Variants in ANKRD55 observed in about 807,000 individuals in gnomAD.
ANKRD55 encodes the protein ankyrin repeat domain 55.
In ANKRD55, 41 loss-of-function variants were observed where a neutral mutation model predicts 60.6. The observed-to-expected ratio is 0.68, with a 90% confidence interval of 0.53 to 0.88. The LOEUF (loss-of-function observed/expected upper bound fraction) is 0.88. Ranked by LOEUF, ANKRD55 falls within the 40% of genes least tolerant of loss-of-function variation. The pLI, the probability that ANKRD55 is intolerant of heterozygous loss-of-function variation, is 0.00. For synonymous variants in ANKRD55, 264 were observed against 290.3 expected (o/e 0.91, Z 0.92); for missense variants, 732 against 767.6 (o/e 0.95, Z 0.55).
chr5:56,157,821 C>A (rs1475441066), intron 6 of ANKRD55, among the ~76,000 whole-genome samples: 1 of 152,160 alleles, frequency 6.6e-6, no homozygotes, highest in African/African-American at 2.4e-5. Context: ...CCGGAGCCGG[C>A]GCGCGTCCTC....
chr5:56,155,177 C>T (rs1387706097), intron 6 of ANKRD55, among the ~76,000 whole-genome samples: 1 of 149,132 alleles, frequency 6.7e-6, no homozygotes, highest in East Asian at 2.0e-4. Flanking sequence ...GGGCTGTGAT[C>T]GTGTCACTGC....
chr5:56,136,549 T>C (rs894835880), intron 7 of ANKRD55, among the ~76,000 whole-genome samples: 9 of 152,134 alleles, frequency 5.9e-5, no homozygotes, highest in Non-Finnish European at 5.9e-5. Flanking sequence ...GACATCTACA[T>C]GCAAAAAAGT....
intron 8 of ANKRD55, 62 bp downstream of exon 8, chr5:56,126,859 AT>A: frequency 6.6e-7 from 1 of 1,521,730 alleles, no homozygotes; most frequent in Non-Finnish European, 8.9e-7. Flanking sequence ...CATCTCCTTT[AT>A]TTTAAGATTC....
At chr5:56,120,628 G>GCA (rs1309581807) in intron 8 of ANKRD55, among the ~76,000 whole-genome samples, 1 of 152,168 alleles carries the variant, frequency 6.6e-6, no homozygotes, top group Non-Finnish European at 1.5e-5. Flanking sequence ...AGCTGGGCAT[G>GCA]GTGGCTCACA....
chr5:56,217,618 T>C (rs1270617502), intron 2 of ANKRD55, among the ~76,000 whole-genome samples: 1 of 152,102 alleles, frequency 6.6e-6, no homozygotes, highest in Non-Finnish European at 1.5e-5. Flanking sequence ...AAAACATTCA[T>C]GATTCGTGGC....
intron 2 of ANKRD55, among the ~76,000 whole-genome samples, chr5:56,208,413 ATATT>A (rs200944118): frequency 6.5e-4 from 99 of 151,470 alleles, no homozygotes; most frequent in African/African-American, 1.9e-3. Context: ...TTTAAAAAAA[ATATT>A]TATTTATTTA....
intron 2 of ANKRD55, 137 bp from the exon 3 acceptor site, chr5:56,183,771 G>A (rs1758905361): frequency 9.2e-7 from 1 of 1,082,286 alleles, no homozygotes. Flanking sequence ...GGGTCATCCT[G>A]GCTACACACT....
intron 2 of ANKRD55, among the ~76,000 whole-genome samples, chr5:56,183,939 G>A (rs1758909714): frequency 6.6e-6 from 1 of 152,252 alleles, no homozygotes; most frequent in African/African-American, 2.4e-5. Context: ...AGGAAAGTGG[G>A]AAGTGGGGCC....
At chr5:56,193,694 T>A in intron 2 of ANKRD55, 1 of 203,928 alleles carries the variant, frequency 4.9e-6, no homozygotes, top group Non-Finnish European at 1.0e-5. Flanking sequence ...GAAGAAGGAC[T>A]TCTGCATTTC....
intron 3 of ANKRD55, among the ~76,000 whole-genome samples, chr5:56,178,511 A>G (rs1004324915): frequency 3.3e-5 from 5 of 151,876 alleles, no homozygotes; most frequent in African/African-American, 1.2e-4. Flanking sequence ...CCTCAAAATA[A>G]AACAAGTAAG....
At chr5:56,182,761 T>G (rs1758878792) in intron 3 of ANKRD55, among the ~76,000 whole-genome samples, 1 of 152,210 alleles carries the variant, frequency 6.6e-6, no homozygotes, top group African/African-American at 2.4e-5. Context: ...TGCCACCTCA[T>G]TATTGCAAGG....
At chr5:56,138,771 C>T (rs1757676796) in intron 7 of ANKRD55, among the ~76,000 whole-genome samples, 2 of 152,112 alleles carry the variant, frequency 1.3e-5, no homozygotes. Context: ...ATATGACATT[C>T]TGGAAAAGGC....
At chr5:56,129,329 C>T (rs75791218) in intron 7 of ANKRD55, among the ~76,000 whole-genome samples, 2,422 of 152,238 alleles carry the variant, frequency 0.016, 42 homozygotes, top group Admixed American at 0.041. Flanking sequence ...TGTACATATC[C>T]TATTCTTAAG....
At chr5:56,129,683 G>T (rs1190739039) in intron 7 of ANKRD55, among the ~76,000 whole-genome samples, 1 of 152,220 alleles carries the variant, frequency 6.6e-6, no homozygotes, top group Non-Finnish European at 1.5e-5. Flanking sequence ...TTTAAGACTA[G>T]TTGCTTATTT....
At chr5:56,201,734 G>T (rs758842724) in intron 2 of ANKRD55, among the ~76,000 whole-genome samples, 2 of 152,196 alleles carry the variant, frequency 1.3e-5, no homozygotes, top group Non-Finnish European at 1.5e-5. Flanking sequence ...AATTAGTGGG[G>T]TGATTCCTCA....
At position 56,232,962 on chromosome 5, in the gene ANKRD55, C is replaced by T; in HGVS notation, c.-33-16G>A. ...ATCCAGGTCTCTAGAGAGGAGAAAACACCATCTCAAACCTTACTGTCAACA... is the reference window on the plus strand; with the variant it reads ...ATCCAGGTCTCTAGAGAGGAGAAAATACCATCTCAAACCTTACTGTCAACA... On this transcript the variant is annotated splice_polypyrimidine_tract_variant and intron_variant, in intron 1 of 11. Coordinates refer to ENST00000341048, the MANE Select transcript of ANKRD55 (RefSeq NM_024669.3). 6.4e-7 allele frequency: 1 copy of T among 1,565,258 alleles called. No individual in the cohort carries two copies. The highest frequency in any genetic ancestry group is 8.8e-7 in the Non-Finnish European group (1 of 1,135,834).
chr5:56,187,241 C>T (rs1758992900), intron 2 of ANKRD55, among the ~76,000 whole-genome samples: 1 of 152,190 alleles, frequency 6.6e-6, no homozygotes, highest in South Asian at 2.1e-4. Flanking sequence ...ACTGCATCCA[C>T]CTTTAAACAC....
At chr5:56,133,066 T>C (rs1025104670) in intron 7 of ANKRD55, among the ~76,000 whole-genome samples, 1 of 152,240 alleles carries the variant, frequency 6.6e-6, no homozygotes, top group Non-Finnish European at 1.5e-5. Context: ...CGCTTTATAG[T>C]TGAAGACTTC....
intron 2 of ANKRD55, among the ~76,000 whole-genome samples, chr5:56,199,045 A>G (rs559892557): frequency 1.3e-5 from 2 of 152,124 alleles, no homozygotes; most frequent in African/African-American, 4.8e-5. Context: ...GCGCCACTGC[A>G]CTCCAGCCTG....
Sources: gnomAD v4.1 joint callset for allele counts (sites outside exome capture counted in the v4.1 genomes callset) on GRCh38, gnomAD v4.1.1 for gene constraint, MANE v1.5 for transcripts, NCBI Gene and HGNC (gene_info 2026-07-23, HGNC 2026-07-21) for gene names.